Variants in PCDHGA7 observed in about 807,000 individuals in gnomAD.
PCDHGA7 encodes protocadherin gamma-A7.
In PCDHGA7, 44 loss-of-function variants were observed where a neutral mutation model predicts 58.3. The observed-to-expected ratio is 0.75, with a 90% CI of 0.59 to 0.97. The LOEUF (loss-of-function observed/expected upper bound fraction) is 0.97. PCDHGA7 is among the 50% of genes least tolerant of loss of function. The pLI is 0.00. For synonymous variants in PCDHGA7, 516 were observed against 504.2 expected (o/e 1.02, Z -0.31); for missense variants, 1,266 against 1,188.7 (o/e 1.06, Z -0.96).
In PCDHGA7 at chr5:141,383,042, T is replaced by A. The variant is rs1397489820; in HGVS notation, c.143T>A (p.Ile48Asn). The change falls in exon 1 of 4, where the codon ATC becomes AAC. Residue 48 changes from isoleucine to asparagine, a missense_variant. Coordinates refer to ENST00000518325, the MANE Select transcript of PCDHGA7 (RefSeq NM_018920.4). ...ETDKGSFVGDIAKDLGLEPRE... is the reference protein window; with the variant it reads ...ETDKGSFVGDNAKDLGLEPRE... ...GACAAAGGGTCCTTTGTGGGAGACATCGCCAAGGACCTGGGGCTGGAGCCC... is the reference window on the plus strand; with the variant it reads ...GACAAAGGGTCCTTTGTGGGAGACAACGCCAAGGACCTGGGGCTGGAGCCC... The A allele has an allele frequency of 6.2e-6, 10 of 1,613,724 alleles. No individual in the cohort carries two copies. The highest frequency in any genetic ancestry group is 7.6e-6 in the Non-Finnish European group (9 of 1,179,908).
At chr5:141,427,400 A>T in intron 1 of PCDHGA7, 1 of 461,200 alleles carries the variant, frequency 2.2e-6, no homozygotes, top group Non-Finnish European at 4.3e-6. Context: ...CACATGATAA[A>T]GATTCGAGAG....
chr5:141,476,979 G>T lies in PCDHGA7; in HGVS notation c.2425-17828G>T. The T allele has an allele frequency of 1.2e-6, 2 of 1,614,238 alleles. No individual in the cohort carries two copies. The highest frequency in any genetic ancestry group is 1.7e-6 in the Non-Finnish European group (2 of 1,180,042). The stretch of plus-strand genomic sequence containing the variant: ...ATTTACTCCTTCGGCAGCCACAACC[G>T]CGCCGGCGTGCGGCAACTATTCGCC... On this transcript the variant is annotated intron_variant, in intron 1 of 3. Coordinates refer to ENST00000518325, the MANE Select transcript of PCDHGA7 (RefSeq NM_018920.4). This position sits in a 1 kb window ranked among gnomAD's most constrained non-coding sequence, Gnocchi z 7.6.
chr5:141,493,204 C>T lies in PCDHGA7; in HGVS notation c.2425-1603C>T, dbSNP rs2099746929. Among the ~76,000 whole-genome samples, 1 of 152,216 alleles carries T rather than the reference C, an allele frequency of 6.6e-6. No individual in the cohort carries two copies. Among genetic ancestry groups the T allele is most frequent in the Non-Finnish European group, 1.5e-5 (1 of 68,042 alleles). Reference sequence around the variant, plus strand: ...TATATAACTCCTTTGAGAACCTCATCTCATTTGCTCTTCCCACCATTGCTG... The same window carrying T: ...TATATAACTCCTTTGAGAACCTCATTTCATTTGCTCTTCCCACCATTGCTG... On this transcript the variant is annotated intron_variant, in intron 1 of 3. Transcript: ENST00000518325. This position sits in a 1 kb window ranked among gnomAD's most constrained non-coding sequence, Gnocchi z 4.3.
intron 1 of PCDHGA7, chr5:141,414,764 A>G: frequency 6.2e-7 from 1 of 1,614,194 alleles, no homozygotes; most frequent in Non-Finnish European, 8.5e-7. Flanking sequence ...GAGCAGTTTC[A>G]TGAGCTACAG....
At chr5:141,438,268 C>T (rs949472857) in intron 1 of PCDHGA7, among the ~76,000 whole-genome samples, 1 of 152,054 alleles carries the variant, frequency 6.6e-6, no homozygotes. Flanking sequence ...ACCATAGAAT[C>T]AAACAAAATA....
intron 1 of PCDHGA7, among the ~76,000 whole-genome samples, chr5:141,450,047 C>T (rs2098667027): frequency 2.2e-5 from 3 of 136,836 alleles, no homozygotes; most frequent in African/African-American, 8.5e-5. Flanking sequence ...CACTCTTTCG[C>T]CCAGGCTGGA....
In PCDHGA7 at chr5:141,402,676, C is replaced by T. The variant is rs746643713; in HGVS notation, c.2424+17353C>T. 2.0e-5 allele frequency among the ~76,000 whole-genome samples: 3 copies of T among 152,282 alleles called. No homozygotes were observed. The East Asian group carries it at 5.8e-4, about 29-fold the overall frequency. ...GAGTAGTGTTTTCTTTATCAGCCAT[C>T]TGATATAATGTTACACATCAGTGGG... On this transcript the variant is annotated intron_variant, in intron 1 of 3. Transcript: ENST00000518325.
intron 1 of PCDHGA7, chr5:141,419,076 C>G: frequency 6.2e-7 from 1 of 1,613,956 alleles, no homozygotes; most frequent in Non-Finnish European, 8.5e-7. Context: ...AAGCTAGTAA[C>G]AGATGAGGCC....
intron 1 of PCDHGA7, chr5:141,393,798 G>C (rs1228076034): frequency 1.2e-6 from 2 of 1,613,876 alleles, no homozygotes; most frequent in Non-Finnish European, 1.7e-6. Flanking sequence ...GGCACTTCTG[G>C]GGAGGACCAA....
At chr5:141,394,094 A>C (rs759909698) in intron 1 of PCDHGA7, 5 of 1,613,934 alleles carry the variant, frequency 3.1e-6, no homozygotes, top group Non-Finnish European at 3.4e-6. Flanking sequence ...CCTCAGATCT[A>C]GGAACACCAC....
chr5:141,500,114 G>A (rs72790070), intron 2 of PCDHGA7, among the ~76,000 whole-genome samples: 10,550 of 151,670 alleles, frequency 0.07, 640 homozygotes, highest in African/African-American at 0.16. Flanking sequence ...TTGAATCCCT[G>A]CCTTTTCATA....
chr5:141,394,679 C>T (rs532730881), intron 1 of PCDHGA7: 1 of 1,612,552 alleles, frequency 6.2e-7, no homozygotes, highest in African/African-American at 1.3e-5. Context: ...TGGGTCTGCA[C>T]ACGGGCGAGG....
chr5:141,423,775 T>A, intron 1 of PCDHGA7: 1 of 1,209,960 alleles, frequency 8.3e-7, no homozygotes, highest in Non-Finnish European at 1.1e-6. Context: ...GCGGCATATA[T>A]TTAGTTCATA....
At chr5:141,488,599 C>T (rs1017044328) in intron 1 of PCDHGA7, among the ~76,000 whole-genome samples, 1 of 152,152 alleles carries the variant, frequency 6.6e-6, no homozygotes, top group Non-Finnish European at 1.5e-5. Flanking sequence ...CAAGACTTTA[C>T]AAGGTTCTTA....
chr5:141,448,543 G>C (rs1001667281), intron 1 of PCDHGA7, among the ~76,000 whole-genome samples: 3 of 151,988 alleles, frequency 2.0e-5, no homozygotes, highest in Admixed American at 6.6e-5. Context: ...CATTTCTTAT[G>C]CAAATATGTA....
Position 141,489,463 on chromosome 5 carries a change from T to C in PCDHGA7, c.2425-5344T>C. ...GGGCTCTGAGGAGAATGGGCGCTAT[T>C]TTTCCCTGAGCTTGATGAGTGGTGC... On this transcript the variant is annotated intron_variant, in intron 1 of 3. Transcript: ENST00000518325. This position sits in a 1 kb window ranked among gnomAD's most constrained non-coding sequence, Gnocchi z 4.5. 6.2e-7 allele frequency: 1 copy of C among 1,614,050 alleles called. No individual in the cohort carries two copies. The highest frequency in any genetic ancestry group is 8.5e-7 in the Non-Finnish European group (1 of 1,180,002).
At chr5:141,416,215 A>G (rs969061407) in intron 1 of PCDHGA7, 1 of 152,400 alleles carries the variant, frequency 6.6e-6, no homozygotes, top group Non-Finnish European at 1.5e-5. Flanking sequence ...ATAACAATGT[A>G]TGCTTAGATT....
intron 1 of PCDHGA7, chr5:141,413,386 GTC>G: frequency 6.2e-7 from 1 of 1,614,002 alleles, no homozygotes; most frequent in Non-Finnish European, 8.5e-7. Context: ...AGTCCGCATA[GTC>G]TCCAGAGGTA....
intron 1 of PCDHGA7, chr5:141,413,694 C>T: frequency 6.2e-7 from 1 of 1,613,800 alleles, no homozygotes; most frequent in Non-Finnish European, 8.5e-7. Context: ...CCCTGCAGAG[C>T]TATCAGCTCA....
Sources: allele counts gnomAD v4.1 joint callset (sites outside exome capture counted in the v4.1 genomes callset), GRCh38; gene constraint gnomAD v4.1.1; non-coding constraint Gnocchi (gnomAD v3.1); transcripts MANE v1.5; gene names NCBI Gene and HGNC (gene_info 2026-07-23, HGNC 2026-07-21).